Variants in FBXO28 observed in about 807,000 individuals in gnomAD.
The protein encoded by FBXO28 is F-box only protein 28.
FBXO28 carries 8 observed loss-of-function variants against 38.1 expected under a neutral mutation model. That is an observed-to-expected ratio of 0.21 (90% CI 0.12 to 0.38). The LOEUF (loss-of-function observed/expected upper bound fraction) is 0.38, where lower values mean the gene tolerates loss of function less well. Ranked by LOEUF, FBXO28 falls within the 10% of genes least tolerant of loss-of-function variation. The pLI is 1.00. For missense variants in FBXO28, 345 were observed against 460.6 expected (o/e 0.75, Z 2.30); for synonymous variants, 168 against 173.8 (o/e 0.97, Z 0.26).
chr1:224,122,430 T>C (rs534237798), intron 1 of FBXO28, among the ~76,000 whole-genome samples: 5 of 152,314 alleles, frequency 3.3e-5, no homozygotes, highest in African/African-American at 1.2e-4. Context: ...CACAATATCC[T>C]CATTTCCAGG....
intron 1 of FBXO28, among the ~76,000 whole-genome samples, chr1:224,120,319 G>A (rs752122720): frequency 6.6e-6 from 1 of 151,952 alleles, no homozygotes; most frequent in East Asian, 1.9e-4. Flanking sequence ...TTCCTGTTTC[G>A]CTCTCCTAGA....
intron 3 of FBXO28, among the ~76,000 whole-genome samples, chr1:224,136,101 GTTTTTT>G (rs397982996): frequency 1.3e-4 from 10 of 75,130 alleles, no homozygotes; most frequent in African/African-American, 5.6e-4. Context: ...GTTGACTTCA[GTTTTTT>G]TTTTTTTTTT....
intron 1 of FBXO28, among the ~76,000 whole-genome samples, chr1:224,128,286 C>T (rs1350106424): frequency 2.0e-5 from 3 of 150,632 alleles, no homozygotes; most frequent in Non-Finnish European, 4.4e-5. Flanking sequence ...ATGTCTTGTA[C>T]TGCAACGTCT....
At chr1:224,149,054 T>C (rs73124491) in intron 3 of FBXO28, among the ~76,000 whole-genome samples, 9,127 of 152,182 alleles carry the variant, frequency 0.06, 850 homozygotes, top group African/African-American at 0.2. Flanking sequence ...ACAACAGTCC[T>C]ATTCTAGCCC....
chr1:224,157,609 C>T lies in FBXO28; in HGVS notation c.970C>T (p.Leu324=). 6.2e-7 allele frequency: 1 copy of T among 1,614,238 alleles called. No homozygotes were observed. Among genetic ancestry groups the T allele is most frequent in the South Asian group, 1.1e-5 (1 of 91,086 alleles). ...NARLAELERK[L]REVMESAVGN... is the part of the protein sequence containing the mutation. ...ACGGTTGGCAGAGCTAGAACGCAAACTACGAGAAGTAATGGAAAGTGCTGT... is the reference window on the plus strand; with the variant it reads ...ACGGTTGGCAGAGCTAGAACGCAAATTACGAGAAGTAATGGAAAGTGCTGT... The change falls in exon 5 of 5, where the codon CTA becomes TTA. Residue 324 remains leucine, a synonymous_variant. Transcript: ENST00000366862.
At chr1:224,156,119 T>G (rs568481691) in intron 4 of FBXO28, among the ~76,000 whole-genome samples, 2 of 152,320 alleles carry the variant, frequency 1.3e-5, no homozygotes, top group South Asian at 4.1e-4. Flanking sequence ...TATTTAGATG[T>G]GCAAGGAGAA....
chr1:224,141,604 C>T (rs1483199035), intron 3 of FBXO28, among the ~76,000 whole-genome samples: 4 of 152,128 alleles, frequency 2.6e-5, no homozygotes, highest in Admixed American at 6.6e-5. Flanking sequence ...ATGGTTCTTA[C>T]ACACATAGGC....
intron 1 of FBXO28, among the ~76,000 whole-genome samples, chr1:224,119,584 ACT>A (rs937667095): frequency 2.0e-5 from 3 of 152,068 alleles, no homozygotes; most frequent in African/African-American, 7.2e-5. Context: ...TCAGTCAGTA[ACT>A]CTGTCCACTG....
chr1:224,139,355 A>C (rs1007117223), intron 3 of FBXO28, among the ~76,000 whole-genome samples: 1 of 151,924 alleles, frequency 6.6e-6, no homozygotes, highest in South Asian at 2.1e-4. Flanking sequence ...GTTTACACAA[A>C]AATTACAAGA....
At chr1:224,146,381 GA>G (rs1162454666) in intron 3 of FBXO28, among the ~76,000 whole-genome samples, 3 of 151,976 alleles carry the variant, frequency 2.0e-5, no homozygotes, top group South Asian at 2.1e-4. Context: ...TGAAAAATGA[GA>G]AAAAAATGAG....
At chr1:224,147,832 A>C (rs1271725959) in intron 3 of FBXO28, among the ~76,000 whole-genome samples, 1 of 107,064 alleles carries the variant, frequency 9.3e-6, no homozygotes, top group East Asian at 2.4e-4. Context: ...TTTGCAAAAA[A>C]AAAAAAAAAA....
intron 1 of FBXO28, among the ~76,000 whole-genome samples, chr1:224,116,526 C>T (rs1241839982): frequency 6.6e-6 from 1 of 152,098 alleles, no homozygotes. Context: ...GGAATTAAGG[C>T]TGGATATGCT....
rs1195372551 is a variant in FBXO28 at position 224,159,628 on chromosome 1, A to G, written c.*1882A>G. On this transcript the variant is annotated 3_prime_UTR_variant, in exon 5 of 5. Coordinates refer to ENST00000366862, the MANE Select transcript of FBXO28 (RefSeq NM_015176.4). ...TCTCATTTTTATAATCATAGTATTT[A>G]GCCATATTAGCATATCTTTAGAGGA... 1 of 152,392 alleles carries G rather than the reference A, an allele frequency of 6.6e-6. No individual in the cohort carries two copies. Among genetic ancestry groups the G allele is most frequent in the East Asian group, 1.9e-4 (1 of 5,196 alleles). The allele number at this position is 152,392 out of a possible 1,614,324, so 9.4% of individuals were successfully genotyped here.
chr1:224,128,778 G>A (rs1273864187), intron 1 of FBXO28, among the ~76,000 whole-genome samples: 1 of 151,940 alleles, frequency 6.6e-6, no homozygotes, highest in Non-Finnish European at 1.5e-5. Flanking sequence ...TTGAGCCCAG[G>A]AATTTAAGAC....
At chr1:224,130,446 A>C (rs1558189520) in intron 1 of FBXO28, 26 bp from the exon 2 acceptor site, 2 of 855,570 alleles carry the variant, frequency 2.3e-6, no homozygotes, top group East Asian at 6.4e-5. Context: ...TTGGTTATTG[A>C]TTTTTGTTCT....
At chr1:224,118,588 A>C (rs1376690230) in intron 1 of FBXO28, among the ~76,000 whole-genome samples, 1 of 152,226 alleles carries the variant, frequency 6.6e-6, no homozygotes, top group Non-Finnish European at 1.5e-5. Context: ...CACTTTAGCT[A>C]ATTAAATCTA....
At chr1:224,127,416 A>G (rs918800171) in intron 1 of FBXO28, among the ~76,000 whole-genome samples, 1 of 152,130 alleles carries the variant, frequency 6.6e-6, no homozygotes, top group Non-Finnish European at 1.5e-5. Flanking sequence ...GTTCTGTTAA[A>G]CCACATATCA....
At chr1:224,130,404 T>G in intron 1 of FBXO28, 68 bp from the exon 2 acceptor site, 1 of 1,000,842 alleles carries the variant, frequency 1.0e-6, no homozygotes, top group Non-Finnish European at 1.6e-6. Flanking sequence ...CTTTAAGCCA[T>G]CAGTTATGAG....
intron 3 of FBXO28, among the ~76,000 whole-genome samples, chr1:224,143,393 A>G (rs1175671656): frequency 1.3e-5 from 2 of 152,178 alleles, no homozygotes. Flanking sequence ...TAGTGGTCCC[A>G]GTCTGAGTGA....
Sources: gnomAD v4.1 joint callset for allele counts (sites outside exome capture counted in the v4.1 genomes callset) on GRCh38, gnomAD v4.1.1 for gene constraint, MANE v1.5 for transcripts, NCBI Gene and HGNC (gene_info 2026-07-23, HGNC 2026-07-21) for gene names.